CCDC181: variants seen among roughly 807,000 people sequenced by gnomAD.
The protein encoded by CCDC181 is coiled-coil domain containing 181.
Under a neutral mutation model 58.7 loss-of-function variants are expected in CCDC181, and 35 were observed. The observed-to-expected ratio is 0.60, with a 90% CI of 0.46 to 0.79. The LOEUF is 0.79. Ranked by LOEUF, CCDC181 falls within the 30% of genes least tolerant of loss-of-function variation. The probability of loss-of-function intolerance (pLI) is 0.00; values close to 1 mark genes in which losing one functional copy is unlikely to be tolerated. For synonymous variants in CCDC181, 183 were observed against 197.5 expected, an observed-to-expected ratio of 0.93 and a Z score of 0.62; for missense variants, 517 against 583.9, an observed-to-expected ratio of 0.89 and a Z score of 1.18.
chr1:169,429,917 C>A (rs1656865020), upstream of CCDC181, among the ~76,000 whole-genome samples: 1 of 152,120 alleles, frequency 6.6e-6, no homozygotes, highest in South Asian at 2.1e-4. Flanking sequence ...ATGCTATCTT[C>A]TAGAATTTTT....
chr1:169,458,193 T>G (rs1425598195), intron 2 of CCDC181, among the ~76,000 whole-genome samples: 12 of 138,952 alleles, frequency 8.6e-5, no homozygotes, highest in East Asian at 5.8e-4. Flanking sequence ...TTTTTTGTTT[T>G]GTTTTTTTTG....
intron 4 of CCDC181, among the ~76,000 whole-genome samples, chr1:169,416,259 G>A (rs552074114): frequency 2.9e-4 from 44 of 152,054 alleles, no homozygotes; most frequent in Non-Finnish European, 5.9e-4. Context: ...TAGCTCTCAG[G>A]TGGGCCACGC....
At chr1:169,455,088 CCTGT>C (rs755526782) in intron 2 of CCDC181, among the ~76,000 whole-genome samples, 19 of 151,768 alleles carry the variant, frequency 1.3e-4, no homozygotes, top group African/African-American at 4.4e-4. Flanking sequence ...TATTCATTTT[CCTGT>C]CTATTGACTA....
intron 5 of CCDC181, chr1:169,396,170 A>G (rs1457474874): frequency 6.6e-6 from 1 of 152,170 alleles, no homozygotes; most frequent in Non-Finnish European, 1.5e-5. Context: ...AACAGTCACA[A>G]TTTCTGGGTG....
chr1:169,421,328 T>G, intron 3 of CCDC181, 35 bp downstream of exon 3: 1 of 1,472,170 alleles, frequency 6.8e-7, no homozygotes, highest in Non-Finnish European at 9.2e-7. Context: ...TAAAACATAC[T>G]CTACTTTTAA....
intron 4 of CCDC181, among the ~76,000 whole-genome samples, chr1:169,413,683 G>A (rs1221515548): frequency 6.6e-6 from 1 of 152,182 alleles, no homozygotes; most frequent in African/African-American, 2.4e-5. Context: ...GGAATAGTAT[G>A]CAGCTATAAA....
chr1:169,416,302 C>T (rs751570566), intron 4 of CCDC181, among the ~76,000 whole-genome samples: 3 of 152,186 alleles, frequency 2.0e-5, no homozygotes. Flanking sequence ...CCATGGGTCA[C>T]GCCAGCCTTC....
chr1:169,437,015 C>A (rs1219739870), intron 2 of CCDC181, among the ~76,000 whole-genome samples: 1 of 151,636 alleles, frequency 6.6e-6, no homozygotes, highest in African/African-American at 2.4e-5. Flanking sequence ...GGGAGGGAGA[C>A]CTGAGTTTTA....
chr1:169,441,164 G>A lies in CCDC181; in HGVS notation c.-23-16214C>T, dbSNP rs1028802747. Among the ~76,000 whole-genome samples, 5 of 152,096 alleles carry A rather than the reference G, an allele frequency of 3.3e-5. No homozygotes were observed. The East Asian group carries it at 9.7e-4, about 29-fold the overall frequency. On this transcript the variant is annotated intron_variant, in intron 2 of 6. Coordinates refer to the CCDC181 transcript ENST00000545005. ...CATTTTAGGCATTTCTGTACACTTA[G>A]TAGTATATATATTTAAGTCTTTAAT...
chr1:169,434,220 C>T (rs1366706725), intron 2 of CCDC181, among the ~76,000 whole-genome samples: 1 of 151,862 alleles, frequency 6.6e-6, no homozygotes, highest in African/African-American at 2.4e-5. Flanking sequence ...TTATTAGAGA[C>T]ATGCAAATCA....
chr1:169,395,629 C>T (rs1654977845), intron 5 of CCDC181, among the ~76,000 whole-genome samples: 1 of 152,150 alleles, frequency 6.6e-6, no homozygotes, highest in African/African-American at 2.4e-5. Flanking sequence ...CTGCCTTACT[C>T]TTCTTATAGG....
intron 2 of CCDC181, among the ~76,000 whole-genome samples, chr1:169,447,574 T>A (rs932770173): frequency 6.6e-6 from 1 of 152,216 alleles, no homozygotes; most frequent in Non-Finnish European, 1.5e-5. Context: ...TCAGGTCAAC[T>A]ATATCCTTAC....
At chr1:169,417,528 C>T (rs1012337902) in intron 4 of CCDC181, among the ~76,000 whole-genome samples, 2 of 152,120 alleles carry the variant, frequency 1.3e-5, no homozygotes, top group African/African-American at 4.8e-5. Flanking sequence ...TTTCCCATAC[C>T]CTAGAAGCTC....
chr1:169,423,306 C>T (rs910761270), intron 2 of CCDC181, among the ~76,000 whole-genome samples: 2 of 151,924 alleles, frequency 1.3e-5, no homozygotes, highest in Non-Finnish European at 2.9e-5. Flanking sequence ...AGCTCTGTAT[C>T]ACAAGTGTTC....
At chr1:169,433,936 C>T (rs951620811) in intron 2 of CCDC181, among the ~76,000 whole-genome samples, 2 of 151,972 alleles carry the variant, frequency 1.3e-5, no homozygotes, top group African/African-American at 4.8e-5. Flanking sequence ...ATATTAAGTA[C>T]TGTTGCATTT....
At chr1:169,433,538 T>G (rs1656974303) in intron 2 of CCDC181, among the ~76,000 whole-genome samples, 1 of 152,104 alleles carries the variant, frequency 6.6e-6, no homozygotes, top group East Asian at 1.9e-4. Context: ...AAACTTACTA[T>G]AAAGCTAAAA....
chr1:169,422,290 A>G lies in CCDC181; in HGVS notation c.141T>C (p.Asn47=), dbSNP rs772301206. 4 of 1,564,522 alleles carry G rather than the reference A, an allele frequency of 2.6e-6. No individual in the cohort carries two copies. The highest frequency in any genetic ancestry group is 4.5e-5 in the East Asian group (2 of 44,002). Residue 47 remains asparagine, a synonymous_variant, in exon 3 of 6, where the codon AAT becomes AAC. Coordinates refer to ENST00000367806, the MANE Select transcript of CCDC181 (RefSeq NM_001300969.2). ...CATTCTCTTTTAAGTCTTGGTTAAT[A>G]TTCTCTTCCTTCTCACAAGCCATCT... ...IIEMACEKEE[N]INQDLKENET... is the part of the protein sequence containing the mutation.
chr1:169,406,823 T>TAA (rs202072743), intron 4 of CCDC181, among the ~76,000 whole-genome samples: 5 of 144,718 alleles, frequency 3.5e-5, no homozygotes, highest in Non-Finnish European at 6.1e-5. Flanking sequence ...ACAAAAAAAA[T>TAA]AAAAAAAAAT....
intron 2 of CCDC181, among the ~76,000 whole-genome samples, chr1:169,453,351 T>C (rs1557882827): frequency 6.6e-6 from 1 of 152,134 alleles, no homozygotes; most frequent in Non-Finnish European, 1.5e-5. Flanking sequence ...TACATCTTGA[T>C]GCACACTAAA....
Sources: gnomAD v4.1 joint callset for allele counts (sites outside exome capture counted in the v4.1 genomes callset) on GRCh38, gnomAD v4.1.1 for gene constraint, MANE v1.5 for transcripts, NCBI Gene and HGNC (gene_info 2026-07-23, HGNC 2026-07-21) for gene names.